SF3A1: variants seen among roughly 807,000 people sequenced by gnomAD.
The protein encoded by SF3A1 is SAP 114.
A neutral mutation model predicts 89.9 loss-of-function variants in SF3A1; 13 were observed. That is an observed-to-expected ratio of 0.14 (90% confidence interval 0.09 to 0.23). The LOEUF (loss-of-function observed/expected upper bound fraction) is 0.23, where lower values mean the gene tolerates loss of function less well. Among genes scored for constraint, SF3A1 ranks in the 10% least tolerant of loss-of-function variants. SF3A1 has a pLI of 1.00. For synonymous variants in SF3A1, 405 were observed against 374.4 expected, an observed-to-expected ratio of 1.08 and a Z score of -0.94; for missense variants, 604 against 1,022.1, an observed-to-expected ratio of 0.59 and a Z score of 5.58.
intron 9 of SF3A1, among the ~76,000 whole-genome samples, chr22:30,339,717 T>C (rs1217346229): frequency 1.3e-5 from 2 of 152,190 alleles, no homozygotes; most frequent in African/African-American, 4.8e-5. Flanking sequence ...ATGGAGCCAC[T>C]GCACTCCAGC....
intron 4 of SF3A1, 32 bp from the exon 5 acceptor site, chr22:30,342,911 G>A (rs1173268326): frequency 1.4e-6 from 2 of 1,425,034 alleles, no homozygotes; most frequent in South Asian, 2.3e-5. Flanking sequence ...GCAACTGTCA[G>A]TGCTTTACAA....
chr22:30,347,875 T>C (rs1019598171), intron 2 of SF3A1, among the ~76,000 whole-genome samples: 4 of 152,228 alleles, frequency 2.6e-5, no homozygotes, highest in African/African-American at 9.6e-5. Flanking sequence ...AGGGTCTCAC[T>C]CTGTCACCCA....
intron 13 of SF3A1, 106 bp from the exon 14 acceptor site, chr22:30,335,859 G>T: frequency 1.1e-6 from 1 of 928,054 alleles, no homozygotes; most frequent in Non-Finnish European, 1.8e-6. Context: ...GTGCATCTGG[G>T]CTCCTGGATT....
intron 12 of SF3A1, 95 bp downstream of exon 12, chr22:30,337,595 A>C (rs1601690889): frequency 1.4e-6 from 1 of 731,264 alleles, no homozygotes; most frequent in Non-Finnish European, 2.5e-6. Context: ...CCCTGCTGGA[A>C]CAGCTGGCAC....
Position 30,334,642 on chromosome 22 carries a change from G to A in SF3A1, c.2334C>T (p.Gly778=), listed in dbSNP as rs778333381. The change falls in exon 16 of 16, where the codon GGC becomes GGT. Residue 778 remains glycine (G), a synonymous_variant. Coordinates refer to ENST00000215793, the MANE Select transcript of SF3A1 (RefSeq NM_005877.6). ...CCTTGAGGGCCAGGTGGATGACTGCGCCATTGGCCATGTTGTAGTAAGCCA... is the reference window on the plus strand; with the variant it reads ...CCTTGAGGGCCAGGTGGATGACTGCACCATTGGCCATGTTGTAGTAAGCCA... ...NSLAYYNMAN[G]AVIHLALKER... 61 of 1,585,100 alleles carry A rather than the reference G, an allele frequency of 3.8e-5. 2 individuals are homozygous for A. The Admixed American group carries it at 5.0e-4, about 13-fold the overall frequency.
chr22:30,341,604 G>A (rs997713328), intron 7 of SF3A1, 88 bp downstream of exon 7: 5 of 745,988 alleles, frequency 6.7e-6, no homozygotes, highest in Middle Eastern at 3.8e-4. Context: ...AGGCTCACAG[G>A]GGAGCTGGAT....
chr22:30,341,958 G>C, intron 6 of SF3A1, 73 bp from the exon 7 acceptor site: 1 of 1,447,648 alleles, frequency 6.9e-7, no homozygotes, highest in African/African-American at 1.4e-5. Context: ...AGCTCCCCAA[G>C]GGCTGGGGCC....
chr22:30,346,378 C>T lies in SF3A1; in HGVS notation c.327G>A (p.Pro109=), dbSNP rs761773097. ...GCATGACCTTGGGGATGGCGGCGGACGGCTCCTGAGCCTTCCCTTCCTTGA... is the reference window on the plus strand; with the variant it reads ...GCATGACCTTGGGGATGGCGGCGGATGGCTCCTGAGCCTTCCCTTCCTTGA... ...SEFKEGKAQE[P]SAAIPKVMQQ... is the part of the protein sequence containing the mutation. Residue 109 remains proline (P), a synonymous_variant, in exon 3 of 16, where the codon CCG becomes CCA. Transcript: ENST00000215793. 1.4e-5 allele frequency: 23 copies of T among 1,614,006 alleles called. No individual in the cohort carries two copies. Among genetic ancestry groups the T allele is most frequent in the Middle Eastern group, 1.7e-4 (1 of 6,060 alleles).
chr22:30,355,821 C>CCA (rs1555980864), intron 1 of SF3A1, among the ~76,000 whole-genome samples: 2 of 111,284 alleles, frequency 1.8e-5, no homozygotes, highest in African/African-American at 3.4e-5. Context: ...ATGTTCCCCC[C>CCA]CCCCGCCCCC....
At chr22:30,337,234 CAGGGCTGATG>C in intron 12 of SF3A1, 54 bp from the exon 13 acceptor site, 1 of 1,514,478 alleles carries the variant, frequency 6.6e-7, no homozygotes, top group Non-Finnish European at 8.9e-7. Context: ...GCCCAGGACT[CAGGGCTGATG>C]AGAAGTTGAG....
At chr22:30,350,596 C>T (rs551768567) in intron 2 of SF3A1, among the ~76,000 whole-genome samples, 14 of 152,130 alleles carry the variant, frequency 9.2e-5, no homozygotes, top group Non-Finnish European at 1.9e-4. Flanking sequence ...GACCACAGGG[C>T]ATTATGAAGA....
At chr22:30,335,849 G>T in intron 13 of SF3A1, 96 bp from the exon 14 acceptor site, 1 of 993,090 alleles carries the variant, frequency 1.0e-6, no homozygotes, top group Non-Finnish European at 1.6e-6. Flanking sequence ...AATGTCACCT[G>T]TGCATCTGGG....
At chr22:30,340,142 A>G in intron 9 of SF3A1, 54 bp downstream of exon 9, 2 of 1,388,594 alleles carry the variant, frequency 1.4e-6, no homozygotes, top group Non-Finnish European at 1.9e-6. Context: ...TGCTTAGAAG[A>G]AGATGGCTGT....
chr22:30,356,848 C>G lies in SF3A1; in HGVS notation c.-56G>C. On this transcript the variant is annotated 5_prime_UTR_variant, in exon 1 of 16. Coordinates refer to ENST00000215793, the MANE Select transcript of SF3A1 (RefSeq NM_005877.6). ...TCGGTGTCGGTGAGCGGTGCCGCCT[C>G]AAGACAGCCTCCCCGCTCGGTCAGT... 7.9e-7 allele frequency: 1 copy of G among 1,268,954 alleles called. No individual in the cohort carries two copies. Among genetic ancestry groups the G allele is most frequent in the Non-Finnish European group, 1.0e-6 (1 of 996,692 alleles). 78.6% of individuals were successfully genotyped at this position (1,268,954 alleles called of 1,614,324 possible). A position where few individuals can be genotyped will look rare whatever the true frequency, so the allele number is the denominator to read the frequency against.
intron 2 of SF3A1, among the ~76,000 whole-genome samples, chr22:30,349,870 C>A (rs1931535111): frequency 2.0e-5 from 3 of 151,724 alleles, no homozygotes; most frequent in African/African-American, 7.3e-5. Context: ...GTGTCCAAGT[C>A]CTGGGTTCAA....
At chr22:30,344,121 T>C (rs1359052229) in intron 4 of SF3A1, among the ~76,000 whole-genome samples, 1 of 152,236 alleles carries the variant, frequency 6.6e-6, no homozygotes, top group African/African-American at 2.4e-5. Flanking sequence ...TGCAGCTCTG[T>C]CAAATGATAA....
rs369563530 is a variant in SF3A1 at position 30,352,749 on chromosome 22, G to A, written c.185+202C>T. ...AGGCTCCTGGTGACTGTGGGGCTAAGTGTGATTCTCACTTTGGCCACTGCT... is the reference window on the plus strand; with the variant it reads ...AGGCTCCTGGTGACTGTGGGGCTAAATGTGATTCTCACTTTGGCCACTGCT... On this transcript the variant is annotated intron_variant, in intron 2 of 15. Coordinates refer to ENST00000215793, the MANE Select transcript of SF3A1 (RefSeq NM_005877.6). The A allele has an allele frequency of 8.0e-6, 4 of 499,144 alleles. No homozygotes were observed. The Admixed American group carries it at 9.8e-5, about 12-fold the overall frequency. 30.9% of individuals were successfully genotyped at this position (499,144 alleles called of 1,614,324 possible).
chr22:30,340,407 A>G (rs1332443840), intron 8 of SF3A1, 26 bp from the exon 9 acceptor site: 1 of 1,608,864 alleles, frequency 6.2e-7, no homozygotes, highest in Non-Finnish European at 8.5e-7. Context: ...TGTTTCAGTA[A>G]GAACACTGGT....
intron 1 of SF3A1, 25 bp downstream of exon 1, chr22:30,356,705 A>G: frequency 6.8e-7 from 1 of 1,469,762 alleles, no homozygotes; most frequent in Non-Finnish European, 9.1e-7. Context: ...CTCCGGCTGC[A>G]GGCTGAGGGG....
Sources: gnomAD v4.1 joint callset for allele counts (sites outside exome capture counted in the v4.1 genomes callset) on GRCh38, gnomAD v4.1.1 for gene constraint, MANE v1.5 for transcripts, NCBI Gene and HGNC (gene_info 2026-07-23, HGNC 2026-07-21) for gene names.